Variants in SDK1 observed in about 807,000 individuals in gnomAD.
The protein encoded by SDK1 is protein sidekick-1.
A neutral mutation model predicts 245.5 loss-of-function variants in SDK1; 157 were observed. The observed-to-expected ratio is 0.64, with a 90% CI of 0.56 to 0.73. SDK1 has a LOEUF of 0.73. Ranked by LOEUF, SDK1 falls within the 30% of genes least tolerant of loss-of-function variation. The probability of loss-of-function intolerance (pLI) is 0.00; values close to 1 mark genes in which losing one functional copy is unlikely to be tolerated. For missense variants in SDK1, 3,583 were observed against 3,002.3 expected (o/e 1.19, Z -4.52); for synonymous variants, 1,647 against 1,278.5 (o/e 1.29, Z -6.15).
At chr7:3,548,294 C>G (rs1267668074) in intron 1 of SDK1, among the ~76,000 whole-genome samples, 1 of 152,068 alleles carries the variant, frequency 6.6e-6, no homozygotes, top group African/African-American at 2.4e-5. Flanking sequence ...ATTGTAGGAA[C>G]CCTTCCCACA....
intron 1 of SDK1, among the ~76,000 whole-genome samples, chr7:3,598,576 A>T (rs1015415862): frequency 2.6e-5 from 4 of 152,148 alleles, no homozygotes; most frequent in African/African-American, 4.8e-5. Flanking sequence ...TCAGCACAAG[A>T]TCCCTGCATT....
At chr7:3,383,395 C>T (rs1032420468) in intron 1 of SDK1, among the ~76,000 whole-genome samples, 9 of 152,132 alleles carry the variant, frequency 5.9e-5, no homozygotes, top group African/African-American at 2.2e-4. Flanking sequence ...TGGGTGACAG[C>T]GAGACCCTGT....
intron 1 of SDK1, among the ~76,000 whole-genome samples, chr7:3,547,966 C>T (rs1779283712): frequency 6.6e-6 from 1 of 152,190 alleles, no homozygotes. Context: ...GTCTTTTAAC[C>T]TGATTCTTCC....
chr7:4,179,288 C>T (rs1029374940), intron 35 of SDK1: 5 of 152,168 alleles, frequency 3.3e-5, no homozygotes, highest in African/African-American at 9.7e-5. Context: ...TGCTCTTTTC[C>T]GCTGGTGCAG....
At chr7:3,837,440 G>A (rs923625340) in intron 5 of SDK1, among the ~76,000 whole-genome samples, 4 of 152,156 alleles carry the variant, frequency 2.6e-5, no homozygotes, top group Non-Finnish European at 5.9e-5. Context: ...TCCTGTGGAG[G>A]GCTCTATTCT....
At chr7:4,216,893 G>A (rs1043393647) in intron 38 of SDK1, among the ~76,000 whole-genome samples, 66 of 152,244 alleles carry the variant, frequency 4.3e-4, no homozygotes, top group African/African-American at 1.6e-3. Context: ...CAGAGCCCAG[G>A]GCCATCCCCA....
At chr7:3,418,830 A>G (rs935483523) in intron 1 of SDK1, among the ~76,000 whole-genome samples, 1 of 152,036 alleles carries the variant, frequency 6.6e-6, no homozygotes, top group Non-Finnish European at 1.5e-5. Flanking sequence ...CCCTCATTGT[A>G]CACCGGGATC....
intron 1 of SDK1, among the ~76,000 whole-genome samples, chr7:3,448,932 C>G (rs1489195363): frequency 1.3e-5 from 2 of 152,088 alleles, no homozygotes; most frequent in South Asian, 2.1e-4. Context: ...AGGATTATTC[C>G]TGCGAACAAA....
At chr7:3,558,358 C>T (rs1172279607) in intron 1 of SDK1, among the ~76,000 whole-genome samples, 1 of 152,256 alleles carries the variant, frequency 6.6e-6, no homozygotes, top group Non-Finnish European at 1.5e-5. Flanking sequence ...TGGATTTTGG[C>T]ACATACTGCC....
chr7:3,700,124 G>C (rs1312084720), intron 4 of SDK1, among the ~76,000 whole-genome samples: 1 of 152,160 alleles, frequency 6.6e-6, no homozygotes, highest in Admixed American at 6.5e-5. Flanking sequence ...AGGAATGAAG[G>C]GGAAATTCAG....
chr7:4,036,783 A>G (rs1255018111), intron 17 of SDK1, among the ~76,000 whole-genome samples: 3 of 152,166 alleles, frequency 2.0e-5, no homozygotes, highest in African/African-American at 7.2e-5. Context: ...TCTCTAAGAA[A>G]ACAGGCCCTC....
Position 4,051,647 on chromosome 7 carries a change from T to C in SDK1, c.2728T>C (p.Trp910Arg). The change falls in exon 19 of 45, where the codon TGG becomes CGG. Residue 910 changes from tryptophan to arginine, a missense_variant. Transcript: ENST00000404826. ...GINQGYKLLA[W>R]PADAPEAVTV... ...CCCTGTTCCATCTCAGCTTCTGGCATGGCCGGCAGATGCCCCCGAGGCTGT... is the reference window on the plus strand; with the variant it reads ...CCCTGTTCCATCTCAGCTTCTGGCACGGCCGGCAGATGCCCCCGAGGCTGT... The C allele has an allele frequency of 1.9e-6, 3 of 1,610,768 alleles. No individual in the cohort carries two copies. Among genetic ancestry groups the C allele is most frequent in the Non-Finnish European group, 2.5e-6 (3 of 1,178,682 alleles).
At chr7:3,723,833 C>G (rs1288991155) in intron 4 of SDK1, among the ~76,000 whole-genome samples, 1 of 146,592 alleles carries the variant, frequency 6.8e-6, no homozygotes, top group Non-Finnish European at 1.5e-5. Flanking sequence ...TACATATACA[C>G]GTGTATATAC....
rs557681644 is a variant in SDK1 at position 3,781,341 on chromosome 7, A to G, written c.714-40109A>G. 3.0e-4 allele frequency among the ~76,000 whole-genome samples: 46 copies of G among 152,250 alleles called. 1 individual carries two copies. The highest frequency in any genetic ancestry group is 1.0e-3 in the African/African-American group (42 of 41,534). On this transcript the variant is annotated intron_variant, in intron 4 of 44. Coordinates refer to ENST00000404826, the MANE Select transcript of SDK1 (RefSeq NM_152744.4). ...ACATCAGAGCAAAAGCAGCAGCCCA[A>G]CTAAGTTGTGAACTCTCATGAAGCT...
chr7:3,361,426 T>A (rs995328258), intron 1 of SDK1, among the ~76,000 whole-genome samples: 1 of 152,242 alleles, frequency 6.6e-6, no homozygotes, highest in Non-Finnish European at 1.5e-5. Flanking sequence ...TTTTTCTGTT[T>A]CAAGTTCTTG....
At chr7:4,113,743 C>T (rs1160259480) in intron 24 of SDK1, among the ~76,000 whole-genome samples, 1 of 152,134 alleles carries the variant, frequency 6.6e-6, no homozygotes, top group Non-Finnish European at 1.5e-5. Flanking sequence ...AACATGGAAC[C>T]AATACTCAAT....
intron 28 of SDK1, among the ~76,000 whole-genome samples, chr7:4,139,683 GTGTGTGTA>G (rs1779420793): frequency 6.9e-6 from 1 of 145,716 alleles, no homozygotes; most frequent in Non-Finnish European, 1.5e-5. Context: ...GTATATGTGT[GTGTGTGTA>G]TGTGTGTGTG....
At chr7:3,620,448 G>A (rs1386096790) in intron 2 of SDK1, among the ~76,000 whole-genome samples, 6 of 151,984 alleles carry the variant, frequency 3.9e-5, no homozygotes, top group South Asian at 2.1e-4. Context: ...TTCTACAGGC[G>A]TGAGCCACCA....
intron 14 of SDK1, among the ~76,000 whole-genome samples, chr7:3,994,085 C>G (rs192711809): frequency 2.0e-5 from 3 of 152,166 alleles, no homozygotes; most frequent in African/African-American, 7.2e-5. Context: ...TGTTGGCATT[C>G]CCTGCTTTGT....
Sources: gnomAD v4.1 joint callset for allele counts (sites outside exome capture counted in the v4.1 genomes callset) on GRCh38, gnomAD v4.1.1 for gene constraint, MANE v1.5 for transcripts, NCBI Gene and HGNC (gene_info 2026-07-23, HGNC 2026-07-21) for gene names.